The following CSMD3 variants were observed in gnomAD, a reference collection of about 807,000 sequenced individuals.
CSMD3 encodes CUB and sushi domain-containing protein 3.
CSMD3 carries 177 observed loss-of-function variants against 435.2 expected under a neutral mutation model. That is an observed-to-expected ratio of 0.41 (90% CI 0.36 to 0.46). The LOEUF (loss-of-function observed/expected upper bound fraction) is 0.46. CSMD3 is among the 20% of genes least tolerant of loss of function. The probability of loss-of-function intolerance (pLI) is 0.34; values close to 1 mark genes in which losing one functional copy is unlikely to be tolerated. For synonymous variants in CSMD3, 1,656 were observed against 1,520.5 expected, an observed-to-expected ratio of 1.09 and a Z score of -2.07; for missense variants, 4,265 against 4,504.6, an observed-to-expected ratio of 0.95 and a Z score of 1.52.
chr8:113,370,018 T>C (rs2094337271), intron 1 of CSMD3, among the ~76,000 whole-genome samples: 1 of 151,868 alleles, frequency 6.6e-6, no homozygotes, highest in Admixed American at 6.6e-5. Flanking sequence ...TAGTCAATGA[T>C]GATATACTGC....
chr8:113,265,601 T>C (rs540074443), intron 3 of CSMD3, among the ~76,000 whole-genome samples: 1 of 151,762 alleles, frequency 6.6e-6, no homozygotes, highest in Non-Finnish European at 1.5e-5. Flanking sequence ...ATAAAATATG[T>C]AAAATGACTA....
intron 3 of CSMD3, among the ~76,000 whole-genome samples, chr8:113,244,034 T>G (rs2093249603): frequency 6.6e-6 from 1 of 152,192 alleles, no homozygotes; most frequent in African/African-American, 2.4e-5. Flanking sequence ...TAGTATAGAT[T>G]TGTATCTATC....
intron 59 of CSMD3, among the ~76,000 whole-genome samples, chr8:112,279,094 A>G (rs1368472426): frequency 6.6e-6 from 1 of 152,202 alleles, no homozygotes; most frequent in African/African-American, 2.4e-5. Flanking sequence ...AAAAATTGAA[A>G]TAAAGATCCA....
intron 29 of CSMD3, 117 bp downstream of exon 29, chr8:112,506,574 T>TA (rs1210300826): frequency 9.7e-7 from 1 of 1,033,076 alleles, no homozygotes; most frequent in Non-Finnish European, 1.5e-6. Flanking sequence ...CTGGGATAAG[T>TA]AAAAAATAAC....
At chr8:112,390,287 G>A (rs1458269494) in intron 36 of CSMD3, among the ~76,000 whole-genome samples, 1 of 152,162 alleles carries the variant, frequency 6.6e-6, no homozygotes, top group Non-Finnish European at 1.5e-5. Flanking sequence ...TAGAGCTTTT[G>A]CAGCCACCTC....
At chr8:113,190,809 G>T (rs950745048) in intron 3 of CSMD3, among the ~76,000 whole-genome samples, 17 of 151,610 alleles carry the variant, frequency 1.1e-4, no homozygotes, top group African/African-American at 4.1e-4. Flanking sequence ...GGTATTCATT[G>T]TTAGGAATAC....
intron 53 of CSMD3, among the ~76,000 whole-genome samples, chr8:112,300,020 T>C (rs111593023): frequency 2.7e-5 from 4 of 150,528 alleles, no homozygotes; most frequent in African/African-American, 9.7e-5. Context: ...TGAGAGCACA[T>C]GGCCATAAAA....
Position 112,533,592 on chromosome 8 carries a change from C to T in CSMD3, c.4565-16367G>A, listed in dbSNP as rs367774119. ...ACAATCATAAATATATATATATGTA[C>T]CCAATATCAAAGCATCCAAATATTT... On this transcript the variant is annotated intron_variant, in intron 27 of 70. Coordinates refer to ENST00000297405, the MANE Select transcript of CSMD3 (RefSeq NM_198123.2). Among the ~76,000 whole-genome samples, 19 of 151,848 alleles carry T rather than the reference C, an allele frequency of 1.3e-4. 1 individual carries two copies. Among genetic ancestry groups the T allele is most frequent in the African/African-American group, 4.6e-4 (19 of 41,450 alleles).
intron 32 of CSMD3, among the ~76,000 whole-genome samples, chr8:112,439,866 C>A (rs1409739623): frequency 6.6e-6 from 1 of 151,956 alleles, no homozygotes; most frequent in Non-Finnish European, 1.5e-5. Context: ...ACTAGGTCCC[C>A]CCCCGCCAAC....
At chr8:113,027,566 C>T (rs2086920923) in intron 5 of CSMD3, among the ~76,000 whole-genome samples, 1 of 152,054 alleles carries the variant, frequency 6.6e-6, no homozygotes, top group South Asian at 2.1e-4. Flanking sequence ...CACTGGACAT[C>T]AGGACACAGA....
intron 6 of CSMD3, among the ~76,000 whole-genome samples, chr8:112,977,378 A>C (rs952791697): frequency 6.6e-6 from 1 of 152,066 alleles, no homozygotes; most frequent in Non-Finnish European, 1.5e-5. Flanking sequence ...ATGTTTACTT[A>C]GATATTTTAG....
intron 38 of CSMD3, among the ~76,000 whole-genome samples, chr8:112,374,030 C>T (rs10955619): frequency 0.39 from 59,913 of 151,910 alleles, 13,300 homozygotes; most frequent in Middle Eastern, 0.54. Flanking sequence ...TACGTTTGTC[C>T]TTAAAGACCA....
intron 1 of CSMD3, among the ~76,000 whole-genome samples, chr8:113,334,651 A>G (rs1181843033): frequency 6.6e-6 from 1 of 152,032 alleles, no homozygotes; most frequent in African/African-American, 2.4e-5. Context: ...TTATTTTGAA[A>G]CATTTGATAG....
chr8:112,557,379 A>G (rs1828215364), intron 24 of CSMD3, among the ~76,000 whole-genome samples: 1 of 151,954 alleles, frequency 6.6e-6, no homozygotes, highest in Non-Finnish European at 1.5e-5. Context: ...TTTGTTACTT[A>G]TCATAAGCCA....
At chr8:112,794,723 T>G (rs1298773460) in intron 13 of CSMD3, among the ~76,000 whole-genome samples, 2 of 151,868 alleles carry the variant, frequency 1.3e-5, no homozygotes, top group African/African-American at 4.8e-5. Context: ...AAGAAAGAAC[T>G]GCCAGTCAGG....
At chr8:112,411,917 T>C (rs1445389520) in intron 32 of CSMD3, among the ~76,000 whole-genome samples, 2 of 152,042 alleles carry the variant, frequency 1.3e-5, no homozygotes, top group African/African-American at 4.8e-5. Context: ...TGAAAGAAAG[T>C]TGTCCAGCAA....
intron 3 of CSMD3, among the ~76,000 whole-genome samples, chr8:113,240,487 A>T (rs2132240140): frequency 6.6e-6 from 1 of 152,294 alleles, no homozygotes; most frequent in Admixed American, 6.5e-5. Flanking sequence ...GTATGTAAGT[A>T]TTCCTTTTTA....
chr8:113,346,981 G>C (rs899667051), intron 1 of CSMD3, among the ~76,000 whole-genome samples: 2 of 151,992 alleles, frequency 1.3e-5, no homozygotes, highest in Non-Finnish European at 1.5e-5. Flanking sequence ...AATTCATCCA[G>C]AGTAATATAT....
intron 4 of CSMD3, among the ~76,000 whole-genome samples, chr8:113,100,478 T>C (rs1001029595): frequency 2.0e-5 from 3 of 152,226 alleles, no homozygotes; most frequent in Admixed American, 2.0e-4. Flanking sequence ...ATTATTTCAC[T>C]AGCATATATT....
Sources: gnomAD v4.1 joint callset for allele counts (sites outside exome capture counted in the v4.1 genomes callset) on GRCh38, gnomAD v4.1.1 for gene constraint, MANE v1.5 for transcripts, NCBI Gene and HGNC (gene_info 2026-07-23, HGNC 2026-07-21) for gene names.